MORC3: variants seen among roughly 807,000 people sequenced by gnomAD.
The protein encoded by MORC3 is MORC family CW-type zinc finger protein 3.
MORC3 carries 31 observed loss-of-function variants against 109.1 expected under a neutral mutation model. The ratio of observed to expected loss-of-function variants is 0.28; its 90% CI spans 0.21 to 0.38. MORC3 has a LOEUF of 0.38. Ranked by LOEUF, MORC3 falls within the 10% of genes least tolerant of loss-of-function variation. MORC3 has a pLI of 1.00. For synonymous variants in MORC3, 395 were observed against 380.7 expected, an observed-to-expected ratio of 1.04 and a Z score of -0.44; for missense variants, 867 against 1,135.8, an observed-to-expected ratio of 0.76 and a Z score of 3.40.
chr21:36,376,486 G>GA lies in MORC3; in HGVS notation c.*1193dup, dbSNP rs1569113823. The stretch of plus-strand genomic sequence containing the variant: ...GAATTTTTACTGTATAGTAATTCTG[G>GA]AAAGAGCAAATAAATGAAGATTGTT... On this transcript the variant is annotated 3_prime_UTR_variant, in exon 17 of 17. Transcript: ENST00000400485. 1.3e-5 allele frequency: 2 copies of GA among 152,066 alleles called. No homozygotes were observed. Among genetic ancestry groups the GA allele is most frequent in the African/African-American group, 4.8e-5 (2 of 41,420 alleles). The allele number at this position is 152,066 out of a possible 1,614,324, so 9.4% of individuals were successfully genotyped here. A position where few individuals can be genotyped will look rare whatever the true frequency, so the allele number is the denominator to read the frequency against.
Position 36,341,548 on chromosome 21 carries a change from T to A in MORC3, c.756+2T>A. The A allele has an allele frequency of 6.2e-7, 1 of 1,613,824 alleles. No homozygotes were observed. The highest frequency in any genetic ancestry group is 8.5e-7 in the Non-Finnish European group (1 of 1,179,980). ...CCTGAGAGTGACTATTCCCTGAGGG[T>A]ATGTATTCAGCTCTCTTTGTGGAAG... On this transcript the variant is annotated splice_donor_variant, in intron 6 of 16. Coordinates refer to ENST00000400485, the MANE Select transcript of MORC3 (RefSeq NM_015358.3). LOFTEE classifies it high-confidence loss of function.
At chr21:36,364,340 T>G in intron 14 of MORC3, 81 bp downstream of exon 14, 1 of 1,409,640 alleles carries the variant, frequency 7.1e-7, no homozygotes, top group Non-Finnish European at 9.8e-7. Flanking sequence ...GTGATGCAAT[T>G]CGGGATCATT....
chr21:36,338,153 A>G (rs1307127497), intron 4 of MORC3, among the ~76,000 whole-genome samples: 2 of 152,180 alleles, frequency 1.3e-5, no homozygotes, highest in East Asian at 1.9e-4. Context: ...GAAATACTCA[A>G]CATTTTATGT....
At chr21:36,361,072 TAAA>T (rs36107591) in intron 12 of MORC3, among the ~76,000 whole-genome samples, 1 of 139,246 alleles carries the variant, frequency 7.2e-6, no homozygotes, top group Admixed American at 7.2e-5. Context: ...GACTCTATCT[TAAA>T]AAAAAAAAAA....
At chr21:36,333,078 C>T (rs565852812) in intron 1 of MORC3, among the ~76,000 whole-genome samples, 29 of 152,288 alleles carry the variant, frequency 1.9e-4, no homozygotes, top group African/African-American at 6.5e-4. Context: ...TGAGCCACTG[C>T]GCCCGGCCAA....
At chr21:36,368,440 A>G (rs1163324463) in intron 14 of MORC3, among the ~76,000 whole-genome samples, 2 of 152,218 alleles carry the variant, frequency 1.3e-5, no homozygotes, top group East Asian at 3.8e-4. Flanking sequence ...TTGGCAGTAA[A>G]TAGATCTGGT....
At chr21:36,362,737 A>G (rs1243280649) in intron 13 of MORC3, among the ~76,000 whole-genome samples, 4 of 152,006 alleles carry the variant, frequency 2.6e-5, no homozygotes, top group Non-Finnish European at 5.9e-5. Flanking sequence ...TCAGTAGTGA[A>G]TGTTAAAGTT....
Position 36,364,176 on chromosome 21 carries a change from T to A in MORC3, c.1536T>A (p.His512Gln), listed in dbSNP as rs1308401466. 6.2e-7 allele frequency: 1 copy of A among 1,614,130 alleles called. No individual in the cohort carries two copies. Among genetic ancestry groups the A allele is most frequent in the Non-Finnish European group, 8.5e-7 (1 of 1,179,988 alleles). Residue 512 changes from histidine (H) to glutamine (Q), a missense_variant, in exon 14 of 17, where the codon CAT (histidine) becomes CAA (glutamine). Around this residue, in one of 7 missense-constraint regions of MORC3, gnomAD observed 486 missense variants for 502.1 expected, o/e 0.97. Transcript: ENST00000400485. ...SSPKESVPRRHLSEGTNSYAT... is the reference protein window; with the variant it reads ...SSPKESVPRRQLSEGTNSYAT... Reference sequence around the variant, plus strand: ...CTAAGGAAAGTGTTCCAAGAAGACATCTTTCAGAAGGAACAAATTCTTATG... The same window carrying A: ...CTAAGGAAAGTGTTCCAAGAAGACAACTTTCAGAAGGAACAAATTCTTATG...
chr21:36,356,266 G>T (rs1444424227), intron 9 of MORC3, among the ~76,000 whole-genome samples: 2 of 151,976 alleles, frequency 1.3e-5, no homozygotes, highest in Admixed American at 1.3e-4. Flanking sequence ...ATAGCTTTGT[G>T]TATATTTTAT....
chr21:36,326,635 C>T (rs541042078), intron 1 of MORC3, among the ~76,000 whole-genome samples: 24 of 152,214 alleles, frequency 1.6e-4, no homozygotes, highest in African/African-American at 5.3e-4. Flanking sequence ...GAGATGCATT[C>T]TCTGAGAATA....
intron 1 of MORC3, among the ~76,000 whole-genome samples, chr21:36,330,130 G>A (rs901590833): frequency 3.3e-5 from 5 of 152,084 alleles, no homozygotes; most frequent in African/African-American, 1.2e-4. Flanking sequence ...CCAAAGCGCT[G>A]GGATTACAGG....
chr21:36,329,127 T>C lies in MORC3; in HGVS notation c.40-4519T>C, dbSNP rs535588906. Among the ~76,000 whole-genome samples, 285 of 152,130 alleles carry C rather than the reference T, an allele frequency of 1.9e-3. 1 individual carries two copies. The highest frequency in any genetic ancestry group is 6.2e-3 in the African/African-American group (259 of 41,522). On this transcript the variant is annotated intron_variant, in intron 1 of 16. Transcript: ENST00000400485. ...GGCCAGCATGGTGAAATCATGTCTC[T>C]ACCAAAAATACAAAAAAATTAGCTG...
chr21:36,361,314 T>G (rs2085712013), intron 12 of MORC3, among the ~76,000 whole-genome samples: 2 of 150,244 alleles, frequency 1.3e-5, no homozygotes, highest in South Asian at 2.1e-4. Context: ...GAGACTGAGG[T>G]GGGTGGATCA....
In MORC3 at chr21:36,360,213, A is replaced by T. The variant is rs1186701274; in HGVS notation, c.1361A>T (p.Asp454Val). ...TGTGAGGTTCCAGAAGAACCTGAAG[A>T]TGAGGATTTGGTACATCCCACTTAT... ...RNCEVPEEPE[D>V]EDLVHPTYEK... Residue 454 changes from aspartate to valine, a missense_variant, in exon 12 of 17, where the codon GAT becomes GTT. By Grantham distance (152) the Asp-to-Val change is radical (BLOSUM62 -3). This residue lies in a region of MORC3 where 120 missense variants were observed against 259.7 expected (regional missense o/e 0.46). Coordinates refer to ENST00000400485, the MANE Select transcript of MORC3 (RefSeq NM_015358.3). The T allele has an allele frequency of 6.2e-7, 1 of 1,614,124 alleles. No individual in the cohort carries two copies. The highest frequency in any genetic ancestry group is 1.7e-5 in the Admixed American group (1 of 60,006).
chr21:36,325,036 T>C (rs1332212558), intron 1 of MORC3, among the ~76,000 whole-genome samples: 1 of 152,182 alleles, frequency 6.6e-6, no homozygotes, highest in Non-Finnish European at 1.5e-5. Flanking sequence ...AGTGAGACAC[T>C]TAAAGCTGAC....
Position 36,369,017 on chromosome 21 carries a change from C to T in MORC3, c.1649C>T (p.Ser550Leu). ...SLKRRLSTRS[S>L]ILNAKNRRLS... ...AAACGGAGACTTTCTACTCGTTCCT[C>T]AATTTTGAATGCAAAGAATCGGAGA... Residue 550 changes from serine (S) to leucine (L), a missense_variant, in exon 15 of 17, where the codon TCA becomes TTA. Around this residue, in one of 7 missense-constraint regions of MORC3, gnomAD observed 486 missense variants for 502.1 expected, o/e 0.97. Transcript: ENST00000400485. The T allele has an allele frequency of 6.2e-7, 1 of 1,610,876 alleles. No homozygotes were observed.
rs772893365 is a variant in MORC3, at chr21:36,360,018, T to C, written c.1272T>C (p.Asp424=). ...DACLKWRKLP[D]GMDQLPEKWY... is the part of the protein sequence containing the mutation. The stretch of plus-strand genomic sequence containing the variant: ...GTCTAAAGTGGCGGAAATTACCTGA[T>C]GGGATGGATCAACTTCCTGAAAAAT... The change falls in exon 11 of 17, where the codon GAT becomes GAC. Residue 424 remains aspartate (D), a synonymous_variant. Coordinates refer to ENST00000400485, the MANE Select transcript of MORC3 (RefSeq NM_015358.3). The C allele has an allele frequency of 3.7e-6, 6 of 1,614,190 alleles. No homozygotes were observed. Among genetic ancestry groups the C allele is most frequent in the Non-Finnish European group, 5.1e-6 (6 of 1,180,032 alleles).
chr21:36,329,678 G>A (rs554495481), intron 1 of MORC3, among the ~76,000 whole-genome samples: 2 of 152,262 alleles, frequency 1.3e-5, no homozygotes, highest in African/African-American at 4.8e-5. Flanking sequence ...GGAAGTTGGG[G>A]TCAGACCTGC....
chr21:36,359,774 C>CTCT (rs1268528799), intron 10 of MORC3, among the ~76,000 whole-genome samples, 181 bp from the exon 11 acceptor site: 1 of 152,032 alleles, frequency 6.6e-6, no homozygotes, highest in Non-Finnish European at 1.5e-5. Context: ...AGGCTGGTCT[C>CTCT]TAACTCCTGG....
Sources: allele counts gnomAD v4.1 joint callset (sites outside exome capture counted in the v4.1 genomes callset), GRCh38; gene constraint gnomAD v4.1.1; regional missense constraint gnomAD v4.1.1; transcripts MANE v1.5; gene names NCBI Gene and HGNC (gene_info 2026-07-23, HGNC 2026-07-21).